Variants in MACROD2 observed in about 807,000 individuals in gnomAD.
The protein encoded by MACROD2 is ADP-ribose glycohydrolase MACROD2.
Under a neutral mutation model 70.4 loss-of-function variants are expected in MACROD2, and 36 were observed. The observed-to-expected ratio is 0.51, with a 90% CI of 0.39 to 0.68. MACROD2 has a LOEUF of 0.68. Ranked by LOEUF, MACROD2 falls within the 30% of genes least tolerant of loss-of-function variation. The probability of loss-of-function intolerance (pLI) is 0.00; values close to 1 mark genes in which losing one functional copy is unlikely to be tolerated. For missense variants in MACROD2, 496 were observed against 538.4 expected (o/e 0.92, Z 0.78); for synonymous variants, 172 against 178.8 (o/e 0.96, Z 0.30).
At chr20:15,128,338 C>T (rs909415021) in intron 5 of MACROD2, among the ~76,000 whole-genome samples, 1 of 152,038 alleles carries the variant, frequency 6.6e-6, no homozygotes, top group African/African-American at 2.4e-5. Context: ...TGTGTCCCTT[C>T]CAACGTTCCA....
At chr20:15,134,480 C>T (rs910489939) in intron 5 of MACROD2, among the ~76,000 whole-genome samples, 9 of 152,050 alleles carry the variant, frequency 5.9e-5, no homozygotes, top group Non-Finnish European at 1.0e-4. Context: ...GGGTACATAA[C>T]GAAATGAAGG....
Position 15,230,035 on chromosome 20 carries a change from G to C in MACROD2, c.514G>C (p.Val172Leu). The C allele has an allele frequency of 6.2e-7, 1 of 1,613,324 alleles. No homozygotes were observed. The highest frequency in any genetic ancestry group is 8.5e-7 in the Non-Finnish European group (1 of 1,179,582). Reference sequence around the variant, plus strand: ...TTGCTATAAATCATCTCTGAAGCTCGTGAAAGAAAATAACATCCGATCAGT... The same window carrying C: ...TTGCTATAAATCATCTCTGAAGCTCCTGAAAGAAAATAACATCCGATCAGT... The part of the protein sequence containing the change: ...ANCYKSSLKL[V>L]KENNIRSVAF... The change falls in exon 6 of 18, where the codon GTG becomes CTG. Residue 172 changes from valine to leucine, a missense_variant. By Grantham distance (32) the Val-to-Leu change is conservative. Coordinates refer to ENST00000684519, the MANE Select transcript of MACROD2 (RefSeq NM_001351661.2).
intron 3 of MACROD2, among the ~76,000 whole-genome samples, chr20:14,134,801 C>CCAA (rs2054770591): frequency 1.0e-5 from 1 of 98,346 alleles, no homozygotes; most frequent in Admixed American, 1.4e-4. Context: ...GACTCCGTGT[C>CCAA]AAAAAAAAAA....
chr20:14,973,502 C>T (rs2074710974), intron 5 of MACROD2, among the ~76,000 whole-genome samples: 1 of 152,118 alleles, frequency 6.6e-6, no homozygotes, highest in African/African-American at 2.4e-5. Flanking sequence ...GGATTACAGG[C>T]ATGAGCCACC....
At chr20:15,491,341 G>A (rs907734442) in intron 7 of MACROD2, among the ~76,000 whole-genome samples, 2 of 152,204 alleles carry the variant, frequency 1.3e-5, no homozygotes, top group African/African-American at 4.8e-5. Flanking sequence ...GTAGAATACA[G>A]TGGAGAAGGG....
chr20:15,421,780 T>C lies in MACROD2; in HGVS notation c.541-9625T>C, dbSNP rs114311894. 2.3e-3 allele frequency among the ~76,000 whole-genome samples: 345 copies of C among 152,286 alleles called. 1 individual carries two copies. The highest frequency in any genetic ancestry group is 8.0e-3 in the African/African-American group (331 of 41,540). Reference sequence around the variant, plus strand: ...CAAAGCAAAGGTCTTCCTGGGAGTTTGCAACTCAGGAAAGAGGGAATTGAT... The same window carrying C: ...CAAAGCAAAGGTCTTCCTGGGAGTTCGCAACTCAGGAAAGAGGGAATTGAT... On this transcript the variant is annotated intron_variant, in intron 6 of 17. Coordinates refer to ENST00000684519, the MANE Select transcript of MACROD2 (RefSeq NM_001351661.2).
chr20:15,173,057 C>T lies in MACROD2; in HGVS notation c.419-56883C>T, dbSNP rs892966534. ...TATAAACTGTGTGTGTGCCTGTGTG[C>T]GTGTGTGTTTGTGTGGGTCTGTGTG... On this transcript the variant is annotated intron_variant, in intron 5 of 17. Coordinates refer to ENST00000684519, the MANE Select transcript of MACROD2 (RefSeq NM_001351661.2). 5.3e-5 allele frequency among the ~76,000 whole-genome samples: 8 copies of T among 151,698 alleles called. No individual in the cohort carries two copies. In the East Asian group the frequency reaches 5.8e-4, roughly 11 times the overall value.
chr20:15,021,264 G>GTGTGTGTGTATACGCACACC (rs1568535074), intron 5 of MACROD2, among the ~76,000 whole-genome samples: 6 of 7,914 alleles, frequency 7.6e-4, no homozygotes, highest in Admixed American at 1.7e-3. Context: ...ACACACACCT[G>GTGTGTGTGTATACGCACACC]TGTGTGTGTA....
chr20:14,477,471 C>T (rs1019569853), intron 3 of MACROD2, among the ~76,000 whole-genome samples: 8 of 152,138 alleles, frequency 5.3e-5, no homozygotes, highest in Non-Finnish European at 8.8e-5. Flanking sequence ...ACATCAGGCT[C>T]TTGTTATTTA....
At chr20:14,051,973 G>A in intron 2 of MACROD2, 1 of 513,680 alleles carries the variant, frequency 1.9e-6, no homozygotes, top group Non-Finnish European at 3.9e-6. Flanking sequence ...GGGAAAGAGT[G>A]CCTGAGGATC....
intron 8 of MACROD2, 30 bp from the exon 9 acceptor site, chr20:15,862,715 C>T (rs1287808399): frequency 1.9e-6 from 3 of 1,566,612 alleles, no homozygotes; most frequent in Admixed American, 3.6e-5. Context: ...TATTTTTTTT[C>T]ACTTTGAGTG....
intron 7 of MACROD2, among the ~76,000 whole-genome samples, chr20:15,460,172 C>A (rs1042719332): frequency 1.3e-5 from 2 of 152,166 alleles, no homozygotes; most frequent in African/African-American, 4.8e-5. Context: ...CCCGTTTGAA[C>A]CCAAGAGTGA....
chr20:15,580,698 T>G (rs754330173), intron 8 of MACROD2, among the ~76,000 whole-genome samples: 18 of 152,216 alleles, frequency 1.2e-4, no homozygotes, highest in Non-Finnish European at 2.5e-4. Context: ...AAAAGGCAGA[T>G]TAATAGGTGA....
chr20:15,272,400 G>A (rs139834719), intron 6 of MACROD2, among the ~76,000 whole-genome samples: 246 of 152,260 alleles, frequency 1.6e-3, no homozygotes, highest in Middle Eastern at 3.4e-3. Flanking sequence ...ATTGTATTTT[G>A]TAAGAGGCTA....
chr20:15,175,143 T>C (rs1250600252), intron 5 of MACROD2, among the ~76,000 whole-genome samples: 3 of 151,730 alleles, frequency 2.0e-5, no homozygotes, highest in South Asian at 2.1e-4. Flanking sequence ...ACGGATGAAA[T>C]TGGAAATCAT....
intron 9 of MACROD2, among the ~76,000 whole-genome samples, chr20:15,884,661 G>A (rs1482674269): frequency 6.6e-6 from 1 of 152,080 alleles, no homozygotes; most frequent in Non-Finnish European, 1.5e-5. Context: ...CTGGGAGTCT[G>A]AATTTGTACT....
chr20:15,532,550 AT>A (rs1284253147), intron 8 of MACROD2, among the ~76,000 whole-genome samples: 5 of 151,952 alleles, frequency 3.3e-5, no homozygotes, highest in Admixed American at 2.0e-4. Flanking sequence ...ACTCAACCAT[AT>A]TTTTTATTTT....
At chr20:14,570,188 T>C (rs1980093757) in intron 4 of MACROD2, among the ~76,000 whole-genome samples, 1 of 152,060 alleles carries the variant, frequency 6.6e-6, no homozygotes, top group Admixed American at 6.6e-5. Flanking sequence ...ACTGTACGTA[T>C]ATACAACGGC....
chr20:15,883,238 ATC>A (rs1293248606), intron 9 of MACROD2, among the ~76,000 whole-genome samples: 1 of 151,874 alleles, frequency 6.6e-6, no homozygotes, highest in Non-Finnish European at 1.5e-5. Context: ...ACTCTTTTTT[ATC>A]TCTCTCTCTG....
Sources: gnomAD v4.1 joint callset for allele counts (sites outside exome capture counted in the v4.1 genomes callset) on GRCh38, gnomAD v4.1.1 for gene constraint, MANE v1.5 for transcripts, NCBI Gene and HGNC (gene_info 2026-07-23, HGNC 2026-07-21) for gene names.